ROBO2: variants seen among roughly 807,000 people sequenced by gnomAD.
ROBO2 encodes roundabout guidance receptor 2.
Under a neutral mutation model 160.8 loss-of-function variants are expected in ROBO2, and 53 were observed. The ratio of observed to expected loss-of-function variants is 0.33; its 90% CI spans 0.26 to 0.41. The LOEUF (loss-of-function observed/expected upper bound fraction) is 0.41, where lower values mean the gene tolerates loss of function less well. ROBO2 is among the 10% of genes least tolerant of loss of function. The pLI is 1.00. For synonymous variants in ROBO2, 664 were observed against 611.7 expected (o/e 1.09, Z -1.26); for missense variants, 1,577 against 1,722.4 (o/e 0.92, Z 1.49).
intron 2 of ROBO2, among the ~76,000 whole-genome samples, chr3:77,108,288 ATACACATATGCATATATATATATGT>A (rs2073113165): frequency 7.7e-6 from 1 of 129,340 alleles, no homozygotes; most frequent in African/African-American, 2.7e-5. Context: ...ATATATATGT[ATACACATATGCATATATATATATGT>A]ATACACATAT....
chr3:77,027,256 A>G (rs1225246401), intron 2 of ROBO2, among the ~76,000 whole-genome samples: 2 of 152,184 alleles, frequency 1.3e-5, no homozygotes, highest in African/African-American at 4.8e-5. Context: ...TGACAACATC[A>G]TATTACAAAA....
intron 2 of ROBO2, among the ~76,000 whole-genome samples, chr3:76,920,029 A>C (rs2076563548): frequency 6.6e-6 from 1 of 152,220 alleles, no homozygotes; most frequent in African/African-American, 2.4e-5. Context: ...CCCAGTGCAA[A>C]ATAAAAATAT....
At chr3:75,959,804 G>A (rs1386035601) in intron 2 of ROBO2, among the ~76,000 whole-genome samples, 1 of 151,422 alleles carries the variant, frequency 6.6e-6, no homozygotes, top group Non-Finnish European at 1.5e-5. Context: ...TTACCAGGCA[G>A]AAATGCTCCA....
chr3:76,481,327 G>C (rs868844478), intron 2 of ROBO2, among the ~76,000 whole-genome samples: 2 of 152,222 alleles, frequency 1.3e-5, no homozygotes, highest in Middle Eastern at 3.4e-3. Flanking sequence ...TGAAAAACTA[G>C]GGAAAGAAAC....
At chr3:75,924,493 T>C (rs1947199525) in intron 1 of ROBO2, among the ~76,000 whole-genome samples, 1 of 152,036 alleles carries the variant, frequency 6.6e-6, no homozygotes, top group African/African-American at 2.4e-5. Context: ...TTTAGCACAC[T>C]AAGACCCATT....
chr3:77,044,061 A>G (rs1351584558), intron 1 of ROBO2, among the ~76,000 whole-genome samples: 2 of 152,164 alleles, frequency 1.3e-5, no homozygotes, highest in African/African-American at 4.8e-5. Flanking sequence ...GAAGCTATGC[A>G]GTAATACCAT....
intron 13 of ROBO2, among the ~76,000 whole-genome samples, chr3:77,570,401 G>A (rs1007071203): frequency 5.3e-5 from 8 of 151,988 alleles, no homozygotes; most frequent in Admixed American, 6.6e-5. Context: ...ATCTATCCCC[G>A]TCATGGGCTG....
At chr3:77,410,044 T>C (rs1465125971) in intron 2 of ROBO2, among the ~76,000 whole-genome samples, 1 of 152,200 alleles carries the variant, frequency 6.6e-6, no homozygotes, top group Non-Finnish European at 1.5e-5. Flanking sequence ...TCCTAAGTGA[T>C]CAGTAAATTG....
At chr3:76,961,258 A>G (rs1021766527) in intron 2 of ROBO2, among the ~76,000 whole-genome samples, 8 of 151,794 alleles carry the variant, frequency 5.3e-5, no homozygotes, top group African/African-American at 1.9e-4. Flanking sequence ...AAAAAAAAAA[A>G]AAAAAAAAAA....
chr3:76,223,425 G>T (rs1016340099), intron 2 of ROBO2, among the ~76,000 whole-genome samples: 1 of 151,854 alleles, frequency 6.6e-6, no homozygotes, highest in African/African-American at 2.4e-5. Flanking sequence ...GGGTGGGGAG[G>T]CTACTTTTCT....
chr3:77,108,257 T>C (rs1436159975), intron 2 of ROBO2, among the ~76,000 whole-genome samples: 2 of 121,388 alleles, frequency 1.6e-5, no homozygotes, highest in Admixed American at 1.7e-4. Context: ...TATGCATATA[T>C]ATGTATACAC....
intron 6 of ROBO2, among the ~76,000 whole-genome samples, chr3:77,536,372 G>T (rs1420068515): frequency 6.6e-6 from 1 of 151,720 alleles, no homozygotes; most frequent in African/African-American, 2.4e-5. Flanking sequence ...AATCAAATTT[G>T]TTTCTCTCTC....
intron 2 of ROBO2, among the ~76,000 whole-genome samples, chr3:76,185,215 T>TATATAGATATATATATATATATATATAC: frequency 2.9e-4 from 26 of 90,290 alleles, no homozygotes; most frequent in African/African-American, 6.8e-4. Context: ...TATATATATA[T>TATATAGATATATATATATATATATATAC]ACACACACAA....
At chr3:76,859,333 C>T (rs571049870) in intron 2 of ROBO2, among the ~76,000 whole-genome samples, 1 of 152,280 alleles carries the variant, frequency 6.6e-6, no homozygotes, top group Middle Eastern at 3.4e-3. Flanking sequence ...TTTACATATT[C>T]TGAAATTTTA....
chr3:76,019,714 A>C (rs2066515595), intron 2 of ROBO2, among the ~76,000 whole-genome samples: 1 of 147,060 alleles, frequency 6.8e-6, no homozygotes, highest in Non-Finnish European at 1.5e-5. Context: ...CAACATGGTT[A>C]GGTTTTCTCT....
chr3:76,341,545 G>A (rs1232719629), intron 2 of ROBO2, among the ~76,000 whole-genome samples: 1 of 149,196 alleles, frequency 6.7e-6, no homozygotes, highest in Admixed American at 6.7e-5. Context: ...CCCTTGTGCT[G>A]TGGACTGTTC....
intron 2 of ROBO2, among the ~76,000 whole-genome samples, chr3:76,020,164 A>G (rs1412367032): frequency 6.6e-6 from 1 of 151,898 alleles, no homozygotes; most frequent in Non-Finnish European, 1.5e-5. Context: ...TGCCTTAAAG[A>G]CTTTGCTCTG....
chr3:77,319,728 G>A lies in ROBO2; in HGVS notation c.389-157686G>A, dbSNP rs62251224. Among the ~76,000 whole-genome samples the A allele has an allele frequency of 4.1e-3, 623 of 152,202 alleles. 2 individuals carry two copies. Among genetic ancestry groups the A allele is most frequent in the Middle Eastern group, 0.014 (4 of 294 alleles). On this transcript the variant is annotated intron_variant, in intron 2 of 25. Transcript: ENST00000461745. ...ATGAACTTATTCAAATGACACTCTG[G>A]CTATGTCATAATGTCTGCATTCTCC...
In ROBO2 at chr3:77,432,154, TAGTA is replaced by T. The variant is rs2078838823; in HGVS notation, c.389-45257_389-45254del. ...GACACTTTTGCCTTGTTAATAAACA[TAGTA>T]AGAATAAGGACAAAGAGAGGATTAT... On this transcript the variant is annotated intron_variant, in intron 2 of 25. Transcript: ENST00000461745. Among the ~76,000 whole-genome samples, 3 of 152,288 alleles carry T rather than the reference TAGTA, an allele frequency of 2.0e-5. No individual in the cohort carries two copies. The South Asian group carries it at 6.2e-4, about 32-fold the overall frequency.
Sources: allele counts gnomAD v4.1 joint callset (sites outside exome capture counted in the v4.1 genomes callset), GRCh38; gene constraint gnomAD v4.1.1; transcripts MANE v1.5; gene names NCBI Gene and HGNC (gene_info 2026-07-23, HGNC 2026-07-21).